DIRAS2: variants seen among roughly 807,000 people sequenced by gnomAD.
The protein encoded by DIRAS2 is GTP-binding protein Di-Ras2.
In DIRAS2, 5 loss-of-function variants were observed where a neutral mutation model predicts 13.9. That is an observed-to-expected ratio of 0.36 (90% CI 0.19 to 0.76). The LOEUF (loss-of-function observed/expected upper bound fraction) is 0.76, where lower values mean the gene tolerates loss of function less well. Ranked by LOEUF, DIRAS2 falls within the 30% of genes least tolerant of loss-of-function variation. The probability of loss-of-function intolerance (pLI) is 0.53; values close to 1 mark genes in which losing one functional copy is unlikely to be tolerated. For synonymous variants in DIRAS2, 111 were observed against 105.4 expected, an observed-to-expected ratio of 1.05 and a Z score of -0.33; for missense variants, 191 against 263.0, an observed-to-expected ratio of 0.73 and a Z score of 1.89.
intron 1 of DIRAS2, among the ~76,000 whole-genome samples, chr9:90,629,423 G>GA (rs1400772652): frequency 2.0e-5 from 3 of 151,706 alleles, no homozygotes. Context: ...CGAGCCACTG[G>GA]AAAAACATTT....
intron 1 of DIRAS2, among the ~76,000 whole-genome samples, chr9:90,632,289 C>T (rs1825332391): frequency 6.6e-6 from 1 of 152,222 alleles, no homozygotes; most frequent in African/African-American, 2.4e-5. Flanking sequence ...CCCCAGCTCA[C>T]TCAATTCCAG....
intron 1 of DIRAS2, among the ~76,000 whole-genome samples, chr9:90,614,639 T>C (rs1432319864): frequency 6.6e-6 from 1 of 152,154 alleles, no homozygotes; most frequent in Non-Finnish European, 1.5e-5. Flanking sequence ...TGGGCGTTAC[T>C]CAGGCCATAG....
intron 1 of DIRAS2, among the ~76,000 whole-genome samples, chr9:90,622,743 G>T (rs1825231241): frequency 6.6e-6 from 1 of 152,092 alleles, no homozygotes; most frequent in South Asian, 2.1e-4. Flanking sequence ...TAAGAAATTT[G>T]TGTTTTTCCT....
At chr9:90,623,821 C>T (rs954606852) in intron 1 of DIRAS2, among the ~76,000 whole-genome samples, 1 of 152,216 alleles carries the variant, frequency 6.6e-6, no homozygotes, top group African/African-American at 2.4e-5. Context: ...AGGAGGATCG[C>T]TTCAACCCAG....
In DIRAS2 at chr9:90,612,444, AT is replaced by A. The variant is rs1825123354; in HGVS notation, c.*783del. On this transcript the variant is annotated 3_prime_UTR_variant, in exon 2 of 2. Coordinates refer to ENST00000375765, the MANE Select transcript of DIRAS2 (RefSeq NM_017594.5). ...TCACAGGTCAAAAGAAGAAAATCAC[AT>A]TTCTAAAACCCTCGATGTATAACAC... 6.6e-6 allele frequency: 1 copy of A among 152,508 alleles called. No homozygotes were observed. Among genetic ancestry groups the A allele is most frequent in the African/African-American group, 2.4e-5 (1 of 41,472 alleles). The allele number at this position is 152,508 out of a possible 1,614,324, so 9.4% of individuals were successfully genotyped here. A position where few individuals can be genotyped will look rare whatever the true frequency, so the allele number is the denominator to read the frequency against.
chr9:90,634,528 A>G (rs962333993), intron 1 of DIRAS2, among the ~76,000 whole-genome samples: 1 of 152,202 alleles, frequency 6.6e-6, no homozygotes, highest in African/African-American at 2.4e-5. Context: ...TGAACATCTC[A>G]AGGCTAGAAA....
intron 1 of DIRAS2, among the ~76,000 whole-genome samples, chr9:90,630,559 T>C (rs538352396): frequency 2.0e-5 from 3 of 152,352 alleles, no homozygotes; most frequent in African/African-American, 7.2e-5. Flanking sequence ...GTCTTTCCAA[T>C]ACTTTACATG....
At chr9:90,614,439 C>A (rs1445155271) in intron 1 of DIRAS2, among the ~76,000 whole-genome samples, 1 of 151,824 alleles carries the variant, frequency 6.6e-6, no homozygotes, top group African/African-American at 2.4e-5. Context: ...GAAATCCTCA[C>A]CACTCTGCAG....
intron 1 of DIRAS2, among the ~76,000 whole-genome samples, chr9:90,629,201 G>A (rs939370527): frequency 9.2e-5 from 14 of 152,192 alleles, no homozygotes; most frequent in Admixed American, 5.2e-4. Flanking sequence ...TTTTTAAAAT[G>A]TGGTTACTAC....
At chr9:90,633,719 A>G (rs1825346932) in intron 1 of DIRAS2, among the ~76,000 whole-genome samples, 1 of 152,234 alleles carries the variant, frequency 6.6e-6, no homozygotes, top group Admixed American at 6.5e-5. Flanking sequence ...AAATGGCACT[A>G]AGAAGTGAAG....
At chr9:90,618,946 A>G (rs1317731649) in intron 1 of DIRAS2, among the ~76,000 whole-genome samples, 1 of 152,154 alleles carries the variant, frequency 6.6e-6, no homozygotes, top group Non-Finnish European at 1.5e-5. Context: ...GATCAAGACC[A>G]TCCTAGCCAA....
intron 1 of DIRAS2, among the ~76,000 whole-genome samples, chr9:90,642,427 T>C (rs560919803): frequency 3.3e-5 from 5 of 152,308 alleles, no homozygotes; most frequent in African/African-American, 1.2e-4. Context: ...CCTAAATCCA[T>C]TAAACTTCCA....
At chr9:90,629,538 A>C (rs561984267) in intron 1 of DIRAS2, among the ~76,000 whole-genome samples, 10 of 152,058 alleles carry the variant, frequency 6.6e-5, no homozygotes, top group Non-Finnish European at 1.3e-4. Context: ...GAAAAAAAAA[A>C]AACTGCTGAC....
intron 1 of DIRAS2, among the ~76,000 whole-genome samples, chr9:90,626,779 G>A (rs926137738): frequency 6.6e-6 from 1 of 152,146 alleles, no homozygotes; most frequent in East Asian, 1.9e-4. Flanking sequence ...CGAAAGCGGG[G>A]ACTCTAGTAG....
intron 1 of DIRAS2, among the ~76,000 whole-genome samples, chr9:90,628,040 G>GAA (rs5899101): frequency 5.3e-5 from 8 of 150,960 alleles, no homozygotes; most frequent in Non-Finnish European, 8.9e-5. Flanking sequence ...AAAAGAAAAA[G>GAA]AAAAAAAAAT....
At chr9:90,632,387 T>TC (rs752963157) in intron 1 of DIRAS2, among the ~76,000 whole-genome samples, 3 of 151,994 alleles carry the variant, frequency 2.0e-5, no homozygotes, top group Non-Finnish European at 4.4e-5. Context: ...CAGACCCTCT[T>TC]CCCCCAGGTA....
chr9:90,636,659 A>T (rs1035066556), intron 1 of DIRAS2, among the ~76,000 whole-genome samples: 45 of 152,242 alleles, frequency 3.0e-4, no homozygotes, highest in African/African-American at 1.1e-3. Flanking sequence ...TGACTAAATG[A>T]TTTGAGTGGT....
chr9:90,637,502 A>G (rs1825381844), intron 1 of DIRAS2, among the ~76,000 whole-genome samples: 1 of 152,088 alleles, frequency 6.6e-6, no homozygotes. Context: ...GTTCTCCATC[A>G]CCTGTCCCAT....
Position 90,611,344 on chromosome 9 carries a change from G to A in DIRAS2, c.*1884C>T, listed in dbSNP as rs1207577323. On this transcript the variant is annotated 3_prime_UTR_variant, in exon 2 of 2. Coordinates refer to ENST00000375765, the MANE Select transcript of DIRAS2 (RefSeq NM_017594.5). ...GCCACTTCTCTGCTTTCTCAGCTCA[G>A]CATGAGTGTTCCCCCTGTAAAGTCA... 6.6e-6 allele frequency: 1 copy of A among 152,238 alleles called. No individual in the cohort carries two copies. Among genetic ancestry groups the A allele is most frequent in the African/African-American group, 2.4e-5 (1 of 41,432 alleles). The allele number at this position is 152,238 out of a possible 1,614,324, so 9.4% of individuals were successfully genotyped here. A position where few individuals can be genotyped will look rare whatever the true frequency, so the allele number is the denominator to read the frequency against.
Sources: gnomAD v4.1 joint callset for allele counts (sites outside exome capture counted in the v4.1 genomes callset) on GRCh38, gnomAD v4.1.1 for gene constraint, MANE v1.5 for transcripts, NCBI Gene and HGNC (gene_info 2026-07-23, HGNC 2026-07-21) for gene names.